Variants in REG1B observed in about 807,000 individuals in gnomAD.
REG1B encodes regenerating family member 1 beta.
In REG1B, 21 loss-of-function variants were observed where a neutral mutation model predicts 20.4. The ratio of observed to expected loss-of-function variants is 1.03; its 90% CI spans 0.73 to 1.48. The LOEUF (loss-of-function observed/expected upper bound fraction) is 1.48. Among genes scored for constraint, REG1B ranks in the 40% most tolerant of loss-of-function variants. The pLI is 0.00. For synonymous variants in REG1B, 82 were observed against 73.4 expected, an observed-to-expected ratio of 1.12 and a Z score of -0.60; for missense variants, 247 against 197.2, an observed-to-expected ratio of 1.25 and a Z score of -1.51.
Position 79,086,864 on chromosome 2 carries a change from C to G in REG1B, c.131G>C (p.Arg44Pro), listed in dbSNP as rs62640882. The change falls in exon 3 of 6, where the codon CGC becomes CCC. Residue 44 changes from arginine (R) to proline (P), a missense_variant. By Grantham distance (103) the Arg-to-Pro change is moderately radical. Coordinates refer to ENST00000305089, the MANE Select transcript of REG1B (RefSeq NM_006507.4). ...ISCPEGTNAY[R>P]SYCYYFNEDP... ...TTCATTAAAGTAGTAGCAGTAGGAG[C>G]GATAGGCATTGGTGCCTTCTGGGCA... is the stretch of plus-strand genomic sequence containing the variant. The G allele has an allele frequency of 1.9e-6, 3 of 1,613,714 alleles. No homozygotes were observed. The South Asian group carries it at 3.3e-5, about 18-fold the overall frequency.
chr2:79,087,013 G>A, intron 2 of REG1B, 83 bp from the exon 3 acceptor site: 2 of 1,123,036 alleles, frequency 1.8e-6, no homozygotes, highest in South Asian at 1.3e-5. Flanking sequence ...GCTTCTTGGT[G>A]TCCTTTATAA....
chr2:79,086,170 G>C (rs969685417), intron 4 of REG1B, 197 bp downstream of exon 4: 1 of 575,162 alleles, frequency 1.7e-6, no homozygotes, highest in South Asian at 2.2e-5. Context: ...CCAGAGCCCA[G>C]AAAATTCAGC....
At chr2:79,086,549 G>T (rs762733366) in intron 3 of REG1B, 45 bp from the exon 4 acceptor site, 1 of 1,607,074 alleles carries the variant, frequency 6.2e-7, no homozygotes, top group Non-Finnish European at 8.5e-7. Flanking sequence ...AGGAAGGTGT[G>T]AGGGATATAC....
Position 79,086,891 on chromosome 2 carries a change from C to A in REG1B, c.104G>T (p.Ser35Ile). 1 of 1,613,742 alleles carries A rather than the reference C, an allele frequency of 6.2e-7. No individual in the cohort carries two copies. The highest frequency in any genetic ancestry group is 8.5e-7 in the Non-Finnish European group (1 of 1,179,964). Residue 35 changes from serine (S) to isoleucine (I), a missense_variant, in exon 3 of 6, where the codon AGC becomes ATC. Transcript: ENST00000305089. ...ATAGGCATTGGTGCCTTCTGGGCAGCTGATTCGGGGATTAGGCAGCTCTGT... is the reference window on the plus strand; with the variant it reads ...ATAGGCATTGGTGCCTTCTGGGCAGATGATTCGGGGATTAGGCAGCTCTGT... ...SQTELPNPRI[S>I]CPEGTNAYRS...
Position 79,086,898 on chromosome 2 carries a change from G to T in REG1B, c.97C>A (p.Arg33=), listed in dbSNP as rs185604160. The T allele has an allele frequency of 1.9e-6, 3 of 1,613,742 alleles. No homozygotes were observed. The highest frequency in any genetic ancestry group is 1.6e-4 in the Middle Eastern group (1 of 6,082). ...QESQTELPNP[R]ISCPEGTNAY... Reference sequence around the variant, plus strand: ...TTGGTGCCTTCTGGGCAGCTGATTCGGGGATTAGGCAGCTCTGTCTGGGAC... The same window carrying T: ...TTGGTGCCTTCTGGGCAGCTGATTCTGGGATTAGGCAGCTCTGTCTGGGAC... Residue 33 remains arginine, a synonymous_variant, in exon 3 of 6, where the codon CGA becomes AGA. Transcript: ENST00000305089.
At chr2:79,087,822 C>T in intron 1 of REG1B, 137 bp downstream of exon 1, 1 of 467,886 alleles carries the variant, frequency 2.1e-6, no homozygotes, top group Non-Finnish European at 3.8e-6. Context: ...GGCCAAATTA[C>T]CCGAAATCAG....
At position 79,087,264 on chromosome 2, in the gene REG1B, A is replaced by C. The variant is rs573910568; in HGVS notation, c.64+285T>G. On this transcript the variant is annotated intron_variant, in intron 2 of 5. Coordinates refer to ENST00000305089, the MANE Select transcript of REG1B (RefSeq NM_006507.4). The stretch of plus-strand genomic sequence containing the variant: ...CACGTTTGCCTTAGCTCTCCATCCT[A>C]GCAATGACTACATAAAAACATCCCC... The C allele has an allele frequency of 1.2e-3, 665 of 539,538 alleles. 1 individual carries two copies. The highest frequency in any genetic ancestry group is 1.7e-3 in the Non-Finnish European group (512 of 305,068). 33.4% of individuals were successfully genotyped at this position (539,538 alleles called of 1,614,324 possible). A position where few individuals can be genotyped will look rare whatever the true frequency, so the allele number is the denominator to read the frequency against.
At position 79,086,382 on chromosome 2, in the gene REG1B, G is replaced by A. The variant is rs1672399327; in HGVS notation, c.306C>T (p.Leu102=). The change falls in exon 4 of 6, where the codon CTC becomes CTT. Residue 102 remains leucine (L), a synonymous_variant. Coordinates refer to ENST00000305089, the MANE Select transcript of REG1B (RefSeq NM_006507.4). ...STDDSNVWIG[L]HDPKKNRRWH... ...GCAGACTGACCTTTTTTGGGTCATG[G>A]AGGCCAATCCAGACATTGCTGTCAT... 1 of 1,614,012 alleles carries A rather than the reference G, an allele frequency of 6.2e-7. No homozygotes were observed. Among genetic ancestry groups the A allele is most frequent in the Non-Finnish European group, 8.5e-7 (1 of 1,179,956 alleles).
At chr2:79,086,969 C>T (rs1343887247) in intron 2 of REG1B, 39 bp from the exon 3 acceptor site, 2 of 1,533,022 alleles carry the variant, frequency 1.3e-6, no homozygotes, top group African/African-American at 2.7e-5. Context: ...GAAAGAATCG[C>T]AGGGCAAGGA....
intron 2 of REG1B, 145 bp from the exon 3 acceptor site, chr2:79,087,075 G>T: frequency 1.5e-6 from 1 of 664,324 alleles, no homozygotes; most frequent in Non-Finnish European, 2.6e-6. Flanking sequence ...CTGCCCTCCT[G>T]CATCCTATCT....
At chr2:79,085,339 C>G in intron 5 of REG1B, 56 bp from the exon 6 acceptor site, 1 of 1,444,758 alleles carries the variant, frequency 6.9e-7, no homozygotes, top group South Asian at 1.1e-5. Context: ...GTAGCCCCTC[C>G]TCAACCTAGG....
intron 1 of REG1B, 116 bp downstream of exon 1, chr2:79,087,843 G>A: frequency 2.3e-6 from 1 of 441,012 alleles, no homozygotes; most frequent in East Asian, 3.5e-5. Flanking sequence ...CTTTGGTCTT[G>A]CTTAAGTTTC....
rs755056304 is a variant in REG1B, at chr2:79,086,496, G to A, written c.192C>T (p.Cys64=). 1.9e-6 allele frequency: 3 copies of A among 1,613,626 alleles called. No individual in the cohort carries two copies. The highest frequency in any genetic ancestry group is 2.5e-6 in the Non-Finnish European group (3 of 1,179,952). ...CCAGGTTGCCTGAATTCATGTTCTG[G>A]CAATAGAGCTGTTGGAGAAGAAAAT... The part of the protein sequence containing the change: ...PETWVDADLY[C]QNMNSGNLVS... The change falls in exon 4 of 6, where the codon TGC becomes TGT. Residue 64 remains cysteine, a synonymous_variant. Coordinates refer to ENST00000305089, the MANE Select transcript of REG1B (RefSeq NM_006507.4).
Position 79,086,923 on chromosome 2 carries a change from C to G in REG1B, c.72G>C (p.Glu24Asp), listed in dbSNP as rs1275090448. 1.2e-6 allele frequency: 2 copies of G among 1,612,588 alleles called. No homozygotes were observed. The highest frequency in any genetic ancestry group is 2.7e-5 in the African/African-American group (2 of 74,716). Residue 24 changes from glutamate to aspartate, a missense_variant, in exon 3 of 6, where the codon GAG becomes GAC. Glu to Asp is a conservative substitution (Grantham distance 45). Coordinates refer to ENST00000305089, the MANE Select transcript of REG1B (RefSeq NM_006507.4). ...LMFLSLSQGQESQTELPNPRI... is the reference protein window; with the variant it reads ...LMFLSLSQGQDSQTELPNPRI... ...GGGGATTAGGCAGCTCTGTCTGGGA[C>G]TCCTGGCCTGGGGAAAAAAAAAAGG...
rs780221128 is a variant in REG1B at position 79,086,398 on chromosome 2, T to G, written c.290A>C (p.Asn97Thr). ...TGGGTCATGGAGGCCAATCCAGACA[T>G]TGCTGTCATCAGTGCTACTCTCCTT... Reference protein sequence around the residue: ...LIKESSTDDSNVWIGLHDPKK... With the variant: ...LIKESSTDDSTVWIGLHDPKK... Residue 97 changes from asparagine to threonine, a missense_variant, in exon 4 of 6, where the codon AAT (asparagine) becomes ACT (threonine). By Grantham distance (65) the Asn-to-Thr change is moderately conservative. Transcript: ENST00000305089. 2.5e-6 allele frequency: 4 copies of G among 1,614,104 alleles called. No individual in the cohort carries two copies. Among genetic ancestry groups the G allele is most frequent in the Non-Finnish European group, 3.4e-6 (4 of 1,179,990 alleles).
In REG1B at chr2:79,086,802, C is replaced by T. The variant is rs546147932; in HGVS notation, c.183+10G>A. 36 of 1,611,120 alleles carry T rather than the reference C, an allele frequency of 2.2e-5. No homozygotes were observed. Among genetic ancestry groups the T allele is most frequent in the African/African-American group, 4.0e-5 (3 of 74,940 alleles). ...TAAGCCTCCCTTCCCCTGCTGCTCT[C>T]CTCACTCACATCTGCATCAACCCAG... is the stretch of plus-strand genomic sequence containing the variant. On this transcript the variant is annotated intron_variant, in intron 3 of 5. Coordinates refer to ENST00000305089, the MANE Select transcript of REG1B (RefSeq NM_006507.4).
At chr2:79,087,225 T>C (rs1672413215) in intron 2 of REG1B, 2 of 530,318 alleles carry the variant, frequency 3.8e-6, no homozygotes, top group Non-Finnish European at 6.7e-6. Flanking sequence ...CAAGTTTCTC[T>C]CGGTTTCCCT....
intron 3 of REG1B, 141 bp from the exon 4 acceptor site, chr2:79,086,645 C>T (rs1032661866): frequency 2.5e-5 from 33 of 1,334,178 alleles, no homozygotes; most frequent in South Asian, 5.0e-5. Flanking sequence ...CATCTCTGTG[C>T]TGGGAATGTG....
chr2:79,085,872 AT>A (rs1271461572), intron 4 of REG1B: 4 of 294,522 alleles, frequency 1.4e-5, no homozygotes, highest in South Asian at 5.1e-5. Flanking sequence ...GTGGTTTCTG[AT>A]TTTTTTCCTG....
Sources: allele counts gnomAD v4.1 joint callset, GRCh38; gene constraint gnomAD v4.1.1; transcripts MANE v1.5; gene names NCBI Gene and HGNC (gene_info 2026-07-23, HGNC 2026-07-21).